The following NBAS variants were observed in gnomAD, a reference collection of about 807,000 sequenced individuals.
NBAS encodes the protein NBAS subunit of NRZ tethering complex, also known as NAG/BC035112 fusion.
A neutral mutation model predicts 302.5 loss-of-function variants in NBAS; 219 were observed. The observed-to-expected ratio is 0.72, with a 90% confidence interval of 0.65 to 0.81. The LOEUF (loss-of-function observed/expected upper bound fraction) is 0.81, where lower values mean the gene tolerates loss of function less well. Among genes scored for constraint, NBAS ranks in the 30% least tolerant of loss-of-function variants. The pLI, the probability that NBAS is intolerant of heterozygous loss-of-function variation, is 0.00. For missense variants in NBAS, 2,932 were observed against 2,841.6 expected, an observed-to-expected ratio of 1.03 and a Z score of -0.72; for synonymous variants, 1,118 against 1,021.6, an observed-to-expected ratio of 1.09 and a Z score of -1.80.
At chr2:15,106,232 G>C in the NBAS span, among the ~76,000 whole-genome samples, 4 of 143,124 alleles carry the variant, frequency 2.8e-5, no homozygotes. Flanking sequence ...CAAAAGCTCA[G>C]TTTTTCCTTT....
the NBAS span, among the ~76,000 whole-genome samples, chr2:14,992,193 G>A: frequency 6.6e-6 from 1 of 152,072 alleles, no homozygotes; most frequent in Admixed American, 6.5e-5. Context: ...TATGCAAATG[G>A]GTATTTGCAT....
At position 15,379,639 on chromosome 2, in the gene NBAS, A is replaced by T; in HGVS notation, c.3553T>A (p.Ser1185Thr). The change falls in exon 30 of 52, where the codon TCT becomes ACT. Residue 1185 changes from serine (S) to threonine (T), a missense_variant. Ser to Thr is a moderately conservative substitution (Grantham distance 58). Transcript: ENST00000281513. ...LAASREYFNS[S>T]TNLTDSCMDL... is the part of the protein sequence containing the mutation. ...ATGCAGCTATCAGTGAGGTTGGTAG[A>T]AGAATTGAAGTACTCTCTGCTGGCA... is the stretch of plus-strand genomic sequence containing the variant. 1 of 1,613,912 alleles carries T rather than the reference A, an allele frequency of 6.2e-7. No individual in the cohort carries two copies. Among genetic ancestry groups the T allele is most frequent in the Non-Finnish European group, 8.5e-7 (1 of 1,179,952 alleles).
rs1558522329 is a variant in NBAS, at chr2:15,309,152, TTGGTAAGGGCAAACTTACTTG to T, written c.4657_4659+18del. On this transcript the variant is annotated splice_donor_variant and splice_donor_5th_base_variant and coding_sequence_variant and intron_variant, in exon 39 of 52. Transcript: ENST00000281513. LOFTEE classifies it high-confidence loss of function. The stretch of plus-strand genomic sequence containing the variant: ...CCATTTAGTCATTTTAAATTCTTCA[TTGGTAAGGGCAAACTTACTTG>T]TGGTAAGGCAAGAAGGTAAGCAAGA... 3 of 1,600,650 alleles carry T rather than the reference TTGGTAAGGGCAAACTTACTTG, an allele frequency of 1.9e-6. No individual in the cohort carries two copies.
chr2:15,486,119 G>A (rs1168882212), intron 12 of NBAS, among the ~76,000 whole-genome samples: 3 of 152,134 alleles, frequency 2.0e-5, no homozygotes, highest in Non-Finnish European at 2.9e-5. Context: ...GAGCCACAAT[G>A]GGAATGGTAG....
At chr2:15,325,145 T>C (rs985354742) in intron 38 of NBAS, among the ~76,000 whole-genome samples, 1 of 152,212 alleles carries the variant, frequency 6.6e-6, no homozygotes, top group African/African-American at 2.4e-5. Context: ...ACCATACCTT[T>C]TATATGAGAG....
At chr2:14,821,813 C>T in the NBAS span, among the ~76,000 whole-genome samples, 1 of 151,908 alleles carries the variant, frequency 6.6e-6, no homozygotes, top group African/African-American at 2.4e-5. Flanking sequence ...GAGTTCAAGA[C>T]CAGCCTGGCC....
At chr2:15,555,361 G>A (rs1454403278) in intron 3 of NBAS, among the ~76,000 whole-genome samples, 2 of 150,994 alleles carry the variant, frequency 1.3e-5, no homozygotes, top group African/African-American at 2.4e-5. Flanking sequence ...ATATAATGAA[G>A]ATACAAAACA....
At chr2:14,807,462 TG>T in the NBAS span, among the ~76,000 whole-genome samples, 3 of 144,208 alleles carry the variant, frequency 2.1e-5, no homozygotes, top group Non-Finnish European at 4.5e-5. Context: ...TGAGTGTGTG[TG>T]TGTGTGTGTG....
the NBAS span, among the ~76,000 whole-genome samples, chr2:15,134,996 G>C: frequency 6.6e-6 from 1 of 152,118 alleles, no homozygotes; most frequent in Non-Finnish European, 1.5e-5. Context: ...CTAATTAGGG[G>C]AGATAAAATA....
At chr2:15,388,930 G>A (rs62120478) in intron 28 of NBAS, among the ~76,000 whole-genome samples, 1 of 151,840 alleles carries the variant, frequency 6.6e-6, no homozygotes, top group African/African-American at 2.4e-5. Context: ...AAAAAAAGAG[G>A]CAAAGTTAAT....
chr2:15,020,721 C>T, the NBAS span, among the ~76,000 whole-genome samples: 1 of 152,154 alleles, frequency 6.6e-6, no homozygotes, highest in African/African-American at 2.4e-5. Flanking sequence ...ATGAGAGTGG[C>T]TTTTGTGGGT....
chr2:14,846,657 A>C, the NBAS span, among the ~76,000 whole-genome samples: 11 of 152,118 alleles, frequency 7.2e-5, no homozygotes, highest in Non-Finnish European at 1.5e-4. Flanking sequence ...ATAAATAGAA[A>C]CAAAAAAGTT....
chr2:15,042,203 GTTC>G, the NBAS span, among the ~76,000 whole-genome samples: 1 of 152,156 alleles, frequency 6.6e-6, no homozygotes, highest in Non-Finnish European at 1.5e-5. Context: ...TTTCCCCTCC[GTTC>G]TTCTCTGCCT....
intron 16 of NBAS, among the ~76,000 whole-genome samples, chr2:15,471,242 C>T (rs546605683): frequency 6.6e-6 from 1 of 152,202 alleles, no homozygotes; most frequent in East Asian, 1.9e-4. Context: ...AAAAATAATA[C>T]AGAATTAGTG....
chr2:15,420,332 G>A (rs1558322057), intron 23 of NBAS, among the ~76,000 whole-genome samples: 1 of 152,188 alleles, frequency 6.6e-6, no homozygotes, highest in Non-Finnish European at 1.5e-5. Flanking sequence ...AGACTGAGGT[G>A]GGCTGTCAGC....
At chr2:14,938,341 A>T in the NBAS span, among the ~76,000 whole-genome samples, 1 of 152,150 alleles carries the variant, frequency 6.6e-6, no homozygotes, top group Non-Finnish European at 1.5e-5. Context: ...CCCCATATTC[A>T]TCCTCATTTG....
downstream of NBAS, among the ~76,000 whole-genome samples, chr2:15,163,179 T>G (rs924810284): frequency 6.6e-6 from 1 of 151,120 alleles, no homozygotes; most frequent in African/African-American, 2.4e-5. Context: ...TAAAGCCAGC[T>G]CCTGCACACT....
Position 15,489,007 on chromosome 2 carries a change from T to C in NBAS, c.970A>G (p.Met324Val). Reference sequence around the variant, plus strand: ...AGCATCCCATCTGGAGAAAGGCTCATCTTAAAAATTCCATCCTAAATAAGA... The same window carrying C: ...AGCATCCCATCTGGAGAAAGGCTCACCTTAAAAATTCCATCCTAAATAAGA... ...QGQEQDGIFK[M>V]SLSPDGMLLA... Residue 324 changes from methionine to valine, a missense_variant, in exon 12 of 52, where the codon ATG becomes GTG. Transcript: ENST00000281513. The C allele has an allele frequency of 1.2e-6, 2 of 1,613,592 alleles. No individual in the cohort carries two copies. The highest frequency in any genetic ancestry group is 1.7e-6 in the Non-Finnish European group (2 of 1,179,660).
chr2:14,791,978 A>T, the NBAS span, among the ~76,000 whole-genome samples: 8 of 152,034 alleles, frequency 5.3e-5, no homozygotes, highest in South Asian at 1.7e-3. Flanking sequence ...ACAGAAACCT[A>T]ATTTAGAGGG....
Sources: allele counts gnomAD v4.1 joint callset (sites outside exome capture counted in the v4.1 genomes callset), GRCh38; gene constraint gnomAD v4.1.1; transcripts MANE v1.5; gene names NCBI Gene and HGNC (gene_info 2026-07-23, HGNC 2026-07-21).